Variants in RARB observed in about 807,000 individuals in gnomAD.
RARB encodes retinoic acid receptor beta, also known as HBV-activated protein.
A neutral mutation model predicts 51.9 loss-of-function variants in RARB; 17 were observed. The observed-to-expected ratio is 0.33, with a 90% CI of 0.22 to 0.49. RARB has a LOEUF of 0.49. Among genes scored for constraint, RARB ranks in the 20% least tolerant of loss-of-function variants. The probability of loss-of-function intolerance (pLI) is 0.99; values close to 1 mark genes in which losing one functional copy is unlikely to be tolerated. For synonymous variants in RARB, 215 were observed against 195.4 expected (o/e 1.10, Z -0.84); for missense variants, 369 against 550.8 (o/e 0.67, Z 3.30).
At chr3:25,366,129 A>G (rs942754717) in intron 5 of RARB, among the ~76,000 whole-genome samples, 5 of 152,178 alleles carry the variant, frequency 3.3e-5, no homozygotes, top group African/African-American at 1.2e-4. Flanking sequence ...TGCATTATGG[A>G]CTGTGCTAAG....
At chr3:24,887,454 C>T (rs148871571) in intron 2 of RARB, among the ~76,000 whole-genome samples, 1 of 152,140 alleles carries the variant, frequency 6.6e-6, no homozygotes, top group Non-Finnish European at 1.5e-5. Flanking sequence ...TTGAGAGTTA[C>T]AGTATTGAGT....
intron 5 of RARB, among the ~76,000 whole-genome samples, chr3:25,201,134 G>A (rs1701379280): frequency 6.6e-6 from 1 of 151,932 alleles, no homozygotes; most frequent in Non-Finnish European, 1.5e-5. Context: ...TCTCCTTGAA[G>A]AGTTCCTTCA....
intron 5 of RARB, among the ~76,000 whole-genome samples, chr3:25,205,282 T>C (rs1285505514): frequency 6.6e-6 from 1 of 152,120 alleles, no homozygotes; most frequent in African/African-American, 2.4e-5. Flanking sequence ...AAAAGCACAG[T>C]ATTAGGGTGG....
At chr3:25,097,190 AAAC>A (rs1699311667) in intron 3 of RARB, among the ~76,000 whole-genome samples, 1 of 152,164 alleles carries the variant, frequency 6.6e-6, no homozygotes, top group Non-Finnish European at 1.5e-5. Context: ...CACTGAAACT[AAAC>A]AATACACGCA....
At chr3:25,366,408 C>T (rs529999278) in intron 5 of RARB, among the ~76,000 whole-genome samples, 21 of 152,280 alleles carry the variant, frequency 1.4e-4, no homozygotes, top group African/African-American at 4.8e-4. Flanking sequence ...CAGGAAACAA[C>T]ATCCGCACAA....
At chr3:25,197,152 T>G (rs1241299513) in intron 5 of RARB, among the ~76,000 whole-genome samples, 1 of 152,160 alleles carries the variant, frequency 6.6e-6, no homozygotes, top group African/African-American at 2.4e-5. Flanking sequence ...CATGCCTATG[T>G]CCTGAATGGT....
intron 2 of RARB, among the ~76,000 whole-genome samples, chr3:24,996,733 G>C (rs1697048409): frequency 1.3e-5 from 2 of 151,730 alleles, no homozygotes; most frequent in South Asian, 4.1e-4. Flanking sequence ...GAAGCATATT[G>C]TTTAATTTCC....
chr3:25,580,605 A>G lies in RARB; in HGVS notation c.669A>G (p.Glu223=), dbSNP rs1257145770. 2 of 1,611,396 alleles carry G rather than the reference A, an allele frequency of 1.2e-6. No individual in the cohort carries two copies. Among genetic ancestry groups the G allele is most frequent in the Non-Finnish European group, 1.7e-6 (2 of 1,177,960 alleles). The change falls in exon 5 of 8, where the codon GAA becomes GAG. Residue 223 remains glutamate, a synonymous_variant. Transcript: ENST00000330688. ...TGGGCCTCTGGGACAAATTCAGTGA[A>G]CTGGCCACCAAGTGCATTATTAAGA... The part of the protein sequence containing the change: ...LDLGLWDKFS[E]LATKCIIKIV...
intron 5 of RARB, among the ~76,000 whole-genome samples, chr3:25,223,724 C>T (rs1701996130): frequency 1.3e-5 from 2 of 152,132 alleles, no homozygotes; most frequent in South Asian, 4.1e-4. Flanking sequence ...GAGAAAAGTT[C>T]CATTAGTTAC....
At chr3:25,043,493 T>G in intron 2 of RARB, among the ~76,000 whole-genome samples, 1 of 152,228 alleles carries the variant, frequency 6.6e-6, no homozygotes, top group Non-Finnish European at 1.5e-5. Context: ...TTAAACCTCT[T>G]TCAACAGGAC....
intron 5 of RARB, among the ~76,000 whole-genome samples, chr3:25,408,969 G>A (rs1707488135): frequency 1.3e-5 from 2 of 152,172 alleles, no homozygotes; most frequent in Admixed American, 6.5e-5. Context: ...AGGAGGAGGA[G>A]GTTGCAGTGA....
chr3:25,174,602 TTTCTC>T, intron 5 of RARB: 1 of 1,350,634 alleles, frequency 7.4e-7, no homozygotes, highest in African/African-American at 1.5e-5. Flanking sequence ...TTTGCTCTCT[TTTCTC>T]TGGGTTGATT....
intron 3 of RARB, among the ~76,000 whole-genome samples, chr3:25,552,797 G>A (rs1315471433): frequency 6.6e-6 from 1 of 152,176 alleles, no homozygotes; most frequent in Non-Finnish European, 1.5e-5. Flanking sequence ...ATCTTGGGAG[G>A]TGTGGGAGTA....
intron 5 of RARB, among the ~76,000 whole-genome samples, chr3:25,380,435 T>C (rs1407463291): frequency 6.6e-6 from 1 of 152,234 alleles, no homozygotes; most frequent in Admixed American, 6.5e-5. Flanking sequence ...TTTAGTTTTT[T>C]AGCAGGACTT....
Position 25,530,107 on chromosome 3 carries a change from A to G in RARB, c.448+28784A>G, listed in dbSNP as rs143634252. Among the ~76,000 whole-genome samples, 118 of 152,176 alleles carry G rather than the reference A, an allele frequency of 7.8e-4. 1 individual carries two copies. The East Asian group carries it at 0.02, about 26-fold the overall frequency. On this transcript the variant is annotated intron_variant, in intron 3 of 7. Transcript: ENST00000330688. ...ATTGCAGCTGTCTGTGGACTTCTCT[A>G]TGTCCCACTAGACTGAAGGCTGCCT... is the stretch of plus-strand genomic sequence containing the variant.
intron 3 of RARB, among the ~76,000 whole-genome samples, chr3:25,114,019 G>T (rs1699645674): frequency 6.6e-6 from 1 of 152,184 alleles, no homozygotes; most frequent in South Asian, 2.1e-4. Flanking sequence ...TTTAAAGATG[G>T]TGTATAAGAA....
In RARB at chr3:25,106,851, A is replaced by C. The variant is rs555265204; in HGVS notation, c.-327-25310A>C. On this transcript the variant is annotated intron_variant, in intron 3 of 11. Coordinates refer to the RARB transcript ENST00000383772. ...TTGCTGGAGCTATGGCCCTATACCA[A>C]TTGACTCCAGATTCCATTTTTTTCT... 8.6e-5 allele frequency among the ~76,000 whole-genome samples: 13 copies of C among 151,916 alleles called. No individual in the cohort carries two copies. The East Asian group carries it at 2.3e-3, about 27-fold the overall frequency.
intron 3 of RARB, among the ~76,000 whole-genome samples, chr3:25,549,841 G>C (rs1282202190): frequency 6.6e-6 from 1 of 151,758 alleles, no homozygotes; most frequent in Non-Finnish European, 1.5e-5. Flanking sequence ...CACCGAGATT[G>C]GCCAGATAAT....
At chr3:25,551,385 G>T (rs1342395692) in intron 3 of RARB, among the ~76,000 whole-genome samples, 1 of 152,186 alleles carries the variant, frequency 6.6e-6, no homozygotes, top group Non-Finnish European at 1.5e-5. Context: ...GTGAGTTTGA[G>T]AAACAGTAGA....
Sources: gnomAD v4.1 joint callset for allele counts (sites outside exome capture counted in the v4.1 genomes callset) on GRCh38, gnomAD v4.1.1 for gene constraint, MANE v1.5 for transcripts, NCBI Gene and HGNC (gene_info 2026-07-23, HGNC 2026-07-21) for gene names.